Variants in MEGF11 observed in about 807,000 individuals in gnomAD.
MEGF11 encodes the protein multiple EGF like domains 11, also known as multiple epidermal growth factor-like domains protein 11.
Under a neutral mutation model 146.6 loss-of-function variants are expected in MEGF11, and 126 were observed. The ratio of observed to expected loss-of-function variants is 0.86; its 90% CI spans 0.74 to 1.00. The LOEUF (loss-of-function observed/expected upper bound fraction) is 1.00. Among genes scored for constraint, MEGF11 ranks in the 50% least tolerant of loss-of-function variants. The pLI is 0.00. For missense variants in MEGF11, 1,509 were observed against 1,521.2 expected, an observed-to-expected ratio of 0.99 and a Z score of 0.13; for synonymous variants, 532 against 583.4, an observed-to-expected ratio of 0.91 and a Z score of 1.27.
At chr15:66,042,294 G>C (rs2084018280) in intron 5 of MEGF11, among the ~76,000 whole-genome samples, 7 of 152,084 alleles carry the variant, frequency 4.6e-5, no homozygotes, top group Admixed American at 3.9e-4. Context: ...ATTTTTAGTA[G>C]AGACGGGGTT....
chr15:66,086,123 A>T (rs2086099003), intron 5 of MEGF11, among the ~76,000 whole-genome samples: 1 of 152,172 alleles, frequency 6.6e-6, no homozygotes, highest in Non-Finnish European at 1.5e-5. Context: ...AAGAAAAAAA[A>T]AGAAAATATG....
At chr15:65,960,159 A>ATCGACAGATT (rs1408516237) in intron 9 of MEGF11, among the ~76,000 whole-genome samples, 4 of 152,276 alleles carry the variant, frequency 2.6e-5, no homozygotes, top group African/African-American at 9.6e-5. Context: ...CGATATAGAC[A>ATCGACAGATT]TCGACAGATT....
chr15:66,028,765 A>G (rs1272430678), intron 5 of MEGF11, among the ~76,000 whole-genome samples: 1 of 152,244 alleles, frequency 6.6e-6, no homozygotes, highest in Non-Finnish European at 1.5e-5. Context: ...TTATGGTAAA[A>G]TGTGAAATAA....
At chr15:66,011,022 T>C (rs2082694590) in intron 5 of MEGF11, among the ~76,000 whole-genome samples, 1 of 152,148 alleles carries the variant, frequency 6.6e-6, no homozygotes, top group South Asian at 2.1e-4. Flanking sequence ...CACTCATTGG[T>C]ACAATACAGG....
chr15:65,949,463 T>G (rs534707972), intron 10 of MEGF11, among the ~76,000 whole-genome samples: 7 of 152,314 alleles, frequency 4.6e-5, no homozygotes, highest in African/African-American at 1.7e-4. Context: ...CAGGGTTGAA[T>G]AATGGCAGAC....
At chr15:65,971,599 C>T (rs1033973160) in intron 7 of MEGF11, among the ~76,000 whole-genome samples, 1 of 152,134 alleles carries the variant, frequency 6.6e-6, no homozygotes, top group Admixed American at 6.5e-5. Context: ...GGACTGAACT[C>T]CCTGTGGCAG....
chr15:65,973,064 C>T (rs2081344296), intron 7 of MEGF11, among the ~76,000 whole-genome samples: 1 of 151,256 alleles, frequency 6.6e-6, no homozygotes, highest in Non-Finnish European at 1.5e-5. Flanking sequence ...TTGCAGTGAG[C>T]CAAGATCACA....
intron 24 of MEGF11, chr15:65,905,861 C>G (rs2078610645): frequency 2.3e-6 from 1 of 427,464 alleles, no homozygotes; most frequent in Admixed American, 4.3e-5. Context: ...CAAGCATTTG[C>G]TAAGCAGGTG....
Position 66,048,622 on chromosome 15 carries a change from C to G in MEGF11, c.394+45780G>C, listed in dbSNP as rs566812338. Among the ~76,000 whole-genome samples the G allele has an allele frequency of 4.3e-4, 65 of 152,330 alleles. 1 individual carries two copies. The highest frequency in any genetic ancestry group is 1.5e-3 in the South Asian group (7 of 4,824). On this transcript the variant is annotated intron_variant, in intron 5 of 25. Coordinates refer to ENST00000395614, the MANE Select transcript of MEGF11 (RefSeq NM_001385028.1). ...ATCTTGTGGGCTGGTCTGCAGACGCCAAGTGCCTGGCCTATGCTGGCTGGT... is the reference window on the plus strand; with the variant it reads ...ATCTTGTGGGCTGGTCTGCAGACGCGAAGTGCCTGGCCTATGCTGGCTGGT...
At chr15:65,970,781 C>T (rs1054814884) in intron 7 of MEGF11, 92 bp from the exon 8 acceptor site, 1 of 1,414,536 alleles carries the variant, frequency 7.1e-7, no homozygotes, top group Non-Finnish European at 9.6e-7. Context: ...CCAGGGACCA[C>T]CCAACTTCCC....
chr15:65,962,625 T>C (rs1190909368), intron 9 of MEGF11, among the ~76,000 whole-genome samples: 3 of 152,074 alleles, frequency 2.0e-5, no homozygotes, highest in African/African-American at 4.8e-5. Flanking sequence ...TTTTAAAAAA[T>C]AGGGTTGACG....
At chr15:65,992,467 C>G (rs2082082170) in intron 5 of MEGF11, among the ~76,000 whole-genome samples, 1 of 145,868 alleles carries the variant, frequency 6.9e-6, no homozygotes, top group African/African-American at 2.6e-5. Flanking sequence ...GGGGGTTAGT[C>G]ACATCCTGAG....
chr15:66,125,612 A>G (rs1216670257), intron 2 of MEGF11, among the ~76,000 whole-genome samples: 1 of 152,244 alleles, frequency 6.6e-6, no homozygotes, highest in Non-Finnish European at 1.5e-5. Context: ...AAAGGAGGGC[A>G]GTAATATTCT....
At chr15:66,195,943 C>T (rs943003367) in intron 1 of MEGF11, among the ~76,000 whole-genome samples, 9 of 152,110 alleles carry the variant, frequency 5.9e-5, no homozygotes, top group African/African-American at 1.4e-4. Flanking sequence ...GAGGCTCAAG[C>T]GGTGTCTGTA....
rs561732993 is a variant in MEGF11, at chr15:66,142,588, G to A, written c.-8-14177C>T. 2.5e-3 allele frequency among the ~76,000 whole-genome samples: 384 copies of A among 152,358 alleles called. 2 individuals carry two copies. The highest frequency in any genetic ancestry group is 3.4e-3 in the Non-Finnish European group (229 of 68,032). The stretch of plus-strand genomic sequence containing the variant: ...GAGCCGGCACGACCGCCAGCCTGGC[G>A]CAGCTGCCACAGGGAGGCCCTGTGA... On this transcript the variant is annotated intron_variant, in intron 1 of 25. Transcript: ENST00000395614.
At chr15:66,088,408 G>A (rs1269146919) in intron 5 of MEGF11, among the ~76,000 whole-genome samples, 1 of 152,212 alleles carries the variant, frequency 6.6e-6, no homozygotes, top group Non-Finnish European at 1.5e-5. Flanking sequence ...TGTAATCCCA[G>A]CACTTTGGGA....
chr15:66,163,846 G>C (rs540524158), intron 1 of MEGF11, among the ~76,000 whole-genome samples: 1 of 152,284 alleles, frequency 6.6e-6, no homozygotes, highest in South Asian at 2.1e-4. Flanking sequence ...AATCCTCCCC[G>C]CATGCACACG....
chr15:66,107,673 G>A (rs187997426), intron 4 of MEGF11, among the ~76,000 whole-genome samples: 52 of 152,282 alleles, frequency 3.4e-4, no homozygotes, highest in African/African-American at 7.2e-4. Flanking sequence ...GATAAAAGAG[G>A]AGAGGAGCAG....
At chr15:66,142,290 G>T (rs1321684077) in intron 1 of MEGF11, among the ~76,000 whole-genome samples, 3 of 152,130 alleles carry the variant, frequency 2.0e-5, no homozygotes, top group Non-Finnish European at 4.4e-5. Flanking sequence ...GCAAGTTGTG[G>T]AATTCTGCTA....
Sources: allele counts gnomAD v4.1 joint callset (sites outside exome capture counted in the v4.1 genomes callset), GRCh38; gene constraint gnomAD v4.1.1; transcripts MANE v1.5; gene names NCBI Gene and HGNC (gene_info 2026-07-23, HGNC 2026-07-21).